Variants in LPIN1 observed in about 807,000 individuals in gnomAD.
The protein encoded by LPIN1 is lipin 1.
LPIN1 carries 71 observed loss-of-function variants against 107.5 expected under a neutral mutation model. The observed-to-expected ratio is 0.66, with a 90% CI of 0.55 to 0.80. The LOEUF (loss-of-function observed/expected upper bound fraction) is 0.80. Ranked by LOEUF, LPIN1 falls within the 30% of genes least tolerant of loss-of-function variation. The probability of loss-of-function intolerance (pLI) is 0.00; values close to 1 mark genes in which losing one functional copy is unlikely to be tolerated. For synonymous variants in LPIN1, 445 were observed against 452.6 expected (o/e 0.98, Z 0.21); for missense variants, 1,043 against 1,160.6 (o/e 0.90, Z 1.47).
upstream of LPIN1, among the ~76,000 whole-genome samples, chr2:11,743,705 T>C (rs1293406344): frequency 6.6e-6 from 1 of 152,196 alleles, no homozygotes; most frequent in Admixed American, 6.5e-5. The surrounding 1 kb of genome is among the most constrained non-coding windows in gnomAD (Gnocchi z 4.7). Flanking sequence ...TTTGGGATCC[T>C]TTCTGCCCGG....
chr2:11,693,546 T>C (rs999060247), intron 1 of LPIN1, among the ~76,000 whole-genome samples: 4 of 151,952 alleles, frequency 2.6e-5, no homozygotes, highest in African/African-American at 9.7e-5. Context: ...GTGTGAGTGG[T>C]CACCTGGCAC....
In LPIN1 at chr2:11,826,533, AAAAAG is replaced by A. The variant is rs1199285258; in HGVS notation, c.*1743_*1747del. ...CATGTCAAAAAAAAAAAAAAAAAAA[AAAAAG>A]TCCTGCCTTAACTAACTCCTCTGCG... On this transcript the variant is annotated 3_prime_UTR_variant, in exon 21 of 21. Coordinates refer to ENST00000674199, the MANE Select transcript of LPIN1 (RefSeq NM_001349206.2). 1 of 151,898 alleles carries A rather than the reference AAAAAG, an allele frequency of 6.6e-6. No individual in the cohort carries two copies. The highest frequency in any genetic ancestry group is 2.4e-5 in the African/African-American group (1 of 41,288). The allele number at this position is 151,898 out of a possible 1,614,324, so 9.4% of individuals were successfully genotyped here.
chr2:11,746,725 G>A, intron 1 of LPIN1, 54 bp downstream of exon 1: 8 of 912,454 alleles, frequency 8.8e-6, no homozygotes, highest in Non-Finnish European at 1.0e-5. Context: ...CGCAGCCTCG[G>A]GTTAGGCGGG....
At chr2:11,801,812 T>G (rs1178308991) in intron 14 of LPIN1, among the ~76,000 whole-genome samples, 1 of 152,226 alleles carries the variant, frequency 6.6e-6, no homozygotes, top group Non-Finnish European at 1.5e-5. Flanking sequence ...ATATGCTAAT[T>G]ACCCTGATTT....
chr2:11,751,099 T>C (rs1185978117), intron 1 of LPIN1, among the ~76,000 whole-genome samples: 3 of 152,242 alleles, frequency 2.0e-5, no homozygotes, highest in African/African-American at 7.2e-5. Flanking sequence ...TTTAGATGTC[T>C]ACACCCACCT....
At chr2:11,698,023 C>T (rs1388439438) in intron 1 of LPIN1, among the ~76,000 whole-genome samples, 1 of 152,156 alleles carries the variant, frequency 6.6e-6, no homozygotes, top group Non-Finnish European at 1.5e-5. Context: ...CTGTCTCCAG[C>T]GCTGTGTTGT....
intron 1 of LPIN1, among the ~76,000 whole-genome samples, chr2:11,695,286 A>T (rs181941497): frequency 2.4e-3 from 365 of 152,366 alleles, no homozygotes; most frequent in Non-Finnish European, 4.3e-3. Context: ...GCAATGGAAA[A>T]AAATGAAGCA....
At chr2:11,779,751 A>C (rs1311164704) in intron 7 of LPIN1, 106 bp downstream of exon 7, 23 of 1,396,576 alleles carry the variant, frequency 1.6e-5, no homozygotes, top group Non-Finnish European at 2.0e-5. Flanking sequence ...ACCAGGAGCC[A>C]GAGGTAAACC....
chr2:11,802,796 C>T (rs761669904), intron 14 of LPIN1, 111 bp from the exon 15 acceptor site: 25 of 1,272,894 alleles, frequency 2.0e-5, no homozygotes, highest in African/African-American at 4.4e-5. Flanking sequence ...ACCCGAGAGA[C>T]GGGACTCAGG....
At chr2:11,722,004 T>C (rs1353046460), upstream of LPIN1, 2 of 151,810 alleles carry the variant, frequency 1.3e-5, no homozygotes, top group Non-Finnish European at 2.9e-5. Flanking sequence ...ATCCAATTGG[T>C]TTTGCAAGAG....
At chr2:11,718,622 G>A (rs987159704) in intron 2 of LPIN1, among the ~76,000 whole-genome samples, 53 of 152,176 alleles carry the variant, frequency 3.5e-4, no homozygotes, top group African/African-American at 1.2e-3. Context: ...ACAGAATTTT[G>A]TACACATTGT....
intron 1 of LPIN1, among the ~76,000 whole-genome samples, chr2:11,755,437 G>A (rs1005799599): frequency 3.9e-5 from 6 of 152,156 alleles, no homozygotes; most frequent in Non-Finnish European, 7.4e-5. Context: ...CAGGTACCGC[G>A]TCAGAAATGA....
At chr2:11,817,929 CTCAAAAAAA>C (rs1171515593) in intron 18 of LPIN1, 1,421 of 86,714 alleles carry the variant, frequency 0.016, 38 homozygotes, top group African/African-American at 0.066. Flanking sequence ...AAGACTCTGT[CTCAAAAAAA>C]AAAAAAAAAA....
rs116050691 is a variant in LPIN1 at position 11,724,674 on chromosome 2, C to T, written c.-72+135C>T. 2.2e-4 allele frequency: 213 copies of T among 981,370 alleles called. No homozygotes were observed. In the African/African-American group the frequency reaches 2.5e-3, roughly 12 times the overall value. 60.8% of individuals were successfully genotyped at this position (981,370 alleles called of 1,614,324 possible). On this transcript the variant is annotated intron_variant, in intron 1 of 21. Coordinates refer to the LPIN1 transcript ENST00000396097. ...GGCAGGCAGGGAGGGTGGGGAATCA[C>T]GATGCTTCCAGAGCTTCCCGGTGAC...
At chr2:11,686,060 C>T (rs1661984554) in intron 1 of LPIN1, among the ~76,000 whole-genome samples, 1 of 152,206 alleles carries the variant, frequency 6.6e-6, no homozygotes, top group East Asian at 1.9e-4. Flanking sequence ...TTCTCAACCA[C>T]ACAGCAGCTC....
chr2:11,727,642 C>T (rs1030707021), intron 1 of LPIN1, among the ~76,000 whole-genome samples: 2 of 152,198 alleles, frequency 1.3e-5, no homozygotes, highest in Non-Finnish European at 2.9e-5. Context: ...ATACATCCGT[C>T]TTATCTATTA....
intron 10 of LPIN1, 21 bp from the exon 11 acceptor site, chr2:11,787,053 C>A (rs1241719536): frequency 6.5e-7 from 1 of 1,548,104 alleles, no homozygotes; most frequent in Non-Finnish European, 8.9e-7. Context: ...TTTCCCTGAT[C>A]CTCTGCAATT....
intron 1 of LPIN1, among the ~76,000 whole-genome samples, chr2:11,705,447 G>A (rs141296491): frequency 3.5e-4 from 54 of 152,308 alleles, no homozygotes; most frequent in Non-Finnish European, 5.7e-4. Flanking sequence ...TGCAAACTGC[G>A]CTAAGTGCCA....
intron 6 of LPIN1, among the ~76,000 whole-genome samples, chr2:11,778,638 C>A (rs572016589): frequency 4.6e-5 from 7 of 152,156 alleles, no homozygotes; most frequent in South Asian, 2.1e-4. Flanking sequence ...TCTGAAAAAC[C>A]CTGCCGCCTT....
Sources: allele counts gnomAD v4.1 joint callset (sites outside exome capture counted in the v4.1 genomes callset), GRCh38; gene constraint gnomAD v4.1.1; non-coding constraint Gnocchi (gnomAD v3.1); transcripts MANE v1.5; gene names NCBI Gene and HGNC (gene_info 2026-07-23, HGNC 2026-07-21).